The following CCAR1 variants were observed in gnomAD, a reference collection of about 807,000 sequenced individuals.
CCAR1 encodes cell division cycle and apoptosis regulator protein 1.
A neutral mutation model predicts 163.8 loss-of-function variants in CCAR1; 78 were observed. The ratio of observed to expected loss-of-function variants is 0.48; its 90% CI spans 0.40 to 0.57. The LOEUF (loss-of-function observed/expected upper bound fraction) is 0.57. CCAR1 is among the 20% of genes least tolerant of loss of function. The probability of loss-of-function intolerance (pLI) is 0.00; values close to 1 mark genes in which losing one functional copy is unlikely to be tolerated. For missense variants in CCAR1, 1,019 were observed against 1,365.2 expected, an observed-to-expected ratio of 0.75 and a Z score of 4.00; for synonymous variants, 443 against 460.7, an observed-to-expected ratio of 0.96 and a Z score of 0.49.
intron 16 of CCAR1, among the ~76,000 whole-genome samples, chr10:68,763,639 G>T (rs1268853011): frequency 2.0e-5 from 3 of 152,032 alleles, no homozygotes; most frequent in Non-Finnish European, 4.4e-5. Flanking sequence ...GTAGAGATGG[G>T]GTTTCGCCAT....
intron 17 of CCAR1, among the ~76,000 whole-genome samples, 154 bp from the exon 18 acceptor site, chr10:68,771,052 T>C (rs975896416): frequency 3.3e-5 from 5 of 151,968 alleles, no homozygotes; most frequent in African/African-American, 1.2e-4. Flanking sequence ...CACTCCAGCC[T>C]GGGCGACAGA....
At chr10:68,775,197 C>T (rs1360143373) in intron 19 of CCAR1, among the ~76,000 whole-genome samples, 1 of 152,198 alleles carries the variant, frequency 6.6e-6, no homozygotes, top group Non-Finnish European at 1.5e-5. Flanking sequence ...AAAAAACATG[C>T]TCTGAAATAA....
rs1188350213 is a variant in CCAR1, at chr10:68,749,180, C to G, written c.871C>G (p.Pro291Ala). 1 of 1,613,808 alleles carries G rather than the reference C, an allele frequency of 6.2e-7. No homozygotes were observed. The highest frequency in any genetic ancestry group is 8.5e-7 in the Non-Finnish European group (1 of 1,179,926). ...PPVRIVSQPQ[P>A]ARRLDPPSRF... ...TGTTCGTATAGTTTCACAGCCACAA[C>G]CGGCACGACGATTAGATCCCCCATC... The change falls in exon 9 of 25, where the codon CCG becomes GCG. Residue 291 changes from proline (P) to alanine (A), a missense_variant. Pro to Ala is a conservative substitution (Grantham distance 27). Around this residue, in one of 4 missense-constraint regions of CCAR1, gnomAD observed 644 missense variants for 904.4 expected, o/e 0.71. Transcript: ENST00000265872.
At chr10:68,768,801 A>G (rs1457633431) in intron 17 of CCAR1, among the ~76,000 whole-genome samples, 1 of 152,160 alleles carries the variant, frequency 6.6e-6, no homozygotes, top group Non-Finnish European at 1.5e-5. Context: ...TGAGACTCCC[A>G]TCTCAATTTG....
intron 19 of CCAR1, among the ~76,000 whole-genome samples, chr10:68,780,300 TTC>T (rs1425099620): frequency 2.6e-5 from 4 of 152,252 alleles, no homozygotes; most frequent in Admixed American, 1.3e-4. Context: ...GCTCATGTGA[TTC>T]TCTCACTTTA....
rs537821233 is a variant in CCAR1 at position 68,751,468 on chromosome 10, A to T, written c.1118+1783A>T. The stretch of plus-strand genomic sequence containing the variant: ...CAGCCTCAAAGATATTAAATAGAGG[A>T]GCTCTGATTTTAACCCATCTGTTCT... On this transcript the variant is annotated intron_variant, in intron 10 of 24. Coordinates refer to ENST00000265872, the MANE Select transcript of CCAR1 (RefSeq NM_018237.4). Among the ~76,000 whole-genome samples, 11 of 152,328 alleles carry T rather than the reference A, an allele frequency of 7.2e-5. No individual in the cohort carries two copies. The South Asian group carries it at 2.3e-3, about 32-fold the overall frequency.
At chr10:68,765,761 C>A in intron 16 of CCAR1, 127 bp from the exon 17 acceptor site, 1 of 643,208 alleles carries the variant, frequency 1.6e-6, no homozygotes, top group Non-Finnish European at 2.6e-6. Context: ...TGTATAAGTA[C>A]CATGAAGAGT....
intron 10 of CCAR1, among the ~76,000 whole-genome samples, chr10:68,751,508 C>G (rs1400087248): frequency 6.6e-6 from 1 of 152,106 alleles, no homozygotes; most frequent in Non-Finnish European, 1.5e-5. Context: ...ATTGAATGCT[C>G]TTTTGGGAAG....
chr10:68,733,128 G>A (rs1396448800), intron 2 of CCAR1, among the ~76,000 whole-genome samples: 2 of 152,056 alleles, frequency 1.3e-5, no homozygotes, highest in Non-Finnish European at 1.5e-5. Flanking sequence ...AGAGAAAATA[G>A]GCCAGGCACA....
Position 68,747,553 on chromosome 10 carries a change from G to A in CCAR1, c.813G>A (p.Gln271=). 1 of 1,611,402 alleles carries A rather than the reference G, an allele frequency of 6.2e-7. No homozygotes were observed. The highest frequency in any genetic ancestry group is 8.5e-7 in the Non-Finnish European group (1 of 1,179,118). Residue 271 remains glutamine (Q), a synonymous_variant, in exon 8 of 25, where the codon CAG becomes CAA. Coordinates refer to ENST00000265872, the MANE Select transcript of CCAR1 (RefSeq NM_018237.4). Reference sequence around the variant, plus strand: ...CTCAACCACAGCCCTTATTACAGCAGCCTCAGCAAAAAGGTATCTTTGCTT... The same window carrying A: ...CTCAACCACAGCCCTTATTACAGCAACCTCAGCAAAAAGGTATCTTTGCTT... ...LQTQPQPLLQ[Q]PQQKAGLLQP...
chr10:68,785,370 G>C (rs897948503), intron 19 of CCAR1, among the ~76,000 whole-genome samples: 5 of 151,892 alleles, frequency 3.3e-5, no homozygotes, highest in Non-Finnish European at 5.9e-5. Flanking sequence ...ACAGGCGTGT[G>C]CTACCATGCC....
At chr10:68,775,474 G>A (rs1394751051) in intron 19 of CCAR1, among the ~76,000 whole-genome samples, 1 of 144,864 alleles carries the variant, frequency 6.9e-6, no homozygotes, top group Non-Finnish European at 1.5e-5. Flanking sequence ...TTTTGTTAGT[G>A]TTCCAGCTGT....
At chr10:68,748,730 T>A (rs2056292173) in intron 8 of CCAR1, among the ~76,000 whole-genome samples, 1 of 152,094 alleles carries the variant, frequency 6.6e-6, no homozygotes, top group Admixed American at 6.6e-5. Context: ...TTTCTTTTTT[T>A]GGAGACAAGG....
intron 11 of CCAR1, among the ~76,000 whole-genome samples, chr10:68,754,297 T>C (rs1014424825): frequency 2.6e-5 from 4 of 152,218 alleles, no homozygotes; most frequent in African/African-American, 7.2e-5. Flanking sequence ...TTAAACCTTA[T>C]TAAAAATGTG....
intron 16 of CCAR1, among the ~76,000 whole-genome samples, chr10:68,762,125 C>T (rs1000568659): frequency 2.6e-5 from 4 of 151,508 alleles, no homozygotes; most frequent in Non-Finnish European, 5.9e-5. Context: ...GTCAGGAGAT[C>T]GAGACCGTCC....
At position 68,747,431 on chromosome 10, in the gene CCAR1, G is replaced by A; in HGVS notation, c.691G>A (p.Ala231Thr). The part of the protein sequence containing the change: ...KTPPAVLQPI[A>T]PQTTFGVQTQ... ...TCCTCCTGCTGTACTTCAGCCAATTGCACCACAGACAACATTTGGTGTTCA... is the reference window on the plus strand; with the variant it reads ...TCCTCCTGCTGTACTTCAGCCAATTACACCACAGACAACATTTGGTGTTCA... Residue 231 changes from alanine to threonine, a missense_variant, in exon 8 of 25, where the codon GCA becomes ACA. Ala to Thr is a moderately conservative substitution (Grantham distance 58, BLOSUM62 0). Around this residue, in one of 4 missense-constraint regions of CCAR1, gnomAD observed 644 missense variants for 904.4 expected, o/e 0.71. Transcript: ENST00000265872. 6.2e-7 allele frequency: 1 copy of A among 1,613,970 alleles called. No homozygotes were observed. The highest frequency in any genetic ancestry group is 8.5e-7 in the Non-Finnish European group (1 of 1,179,986).
In CCAR1 at chr10:68,788,218, T is replaced by C; in HGVS notation, c.3077T>C (p.Val1026Ala). The C allele has an allele frequency of 6.2e-7, 1 of 1,603,854 alleles. No homozygotes were observed. The highest frequency in any genetic ancestry group is 8.5e-7 in the Non-Finnish European group (1 of 1,176,380). ...GTGGAAGAAAATGTTGGCCTCATTGTGTACAATGGTGCAATGGTAGATGTA... is the reference window on the plus strand; with the variant it reads ...GTGGAAGAAAATGTTGGCCTCATTGCGTACAATGGTGCAATGGTAGATGTA... ...KDVEENVGLIVYNGAMVDVGS... is the reference protein window; with the variant it reads ...KDVEENVGLIAYNGAMVDVGS... The change falls in exon 23 of 25, where the codon GTG (valine) becomes GCG (alanine). Residue 1026 changes from valine (V) to alanine (A), a missense_variant. Around this residue, in one of 4 missense-constraint regions of CCAR1, gnomAD observed 358 missense variants for 406.4 expected, o/e 0.88. Transcript: ENST00000265872.
intron 2 of CCAR1, among the ~76,000 whole-genome samples, chr10:68,729,414 C>T (rs188884432): frequency 0.014 from 2,143 of 151,648 alleles, 60 homozygotes; most frequent in African/African-American, 0.049. Context: ...GGACTACAGG[C>T]GCCTGCCACC....
At chr10:68,777,210 A>G (rs2056677270) in intron 19 of CCAR1, among the ~76,000 whole-genome samples, 1 of 152,190 alleles carries the variant, frequency 6.6e-6, no homozygotes, top group South Asian at 2.1e-4. Context: ...TGCAAGCCAC[A>G]TTATCTCTTG....
Sources: gnomAD v4.1 joint callset for allele counts (sites outside exome capture counted in the v4.1 genomes callset) on GRCh38, gnomAD v4.1.1 for gene constraint, gnomAD v4.1.1 regional missense constraint, MANE v1.5 for transcripts, NCBI Gene and HGNC (gene_info 2026-07-23, HGNC 2026-07-21) for gene names.